The following TMEM14A variants were observed in gnomAD, a reference collection of about 807,000 sequenced individuals.
TMEM14A encodes the protein transmembrane protein 14A.
TMEM14A carries 8 observed loss-of-function variants against 11.6 expected under a neutral mutation model. The observed-to-expected ratio is 0.69, with a 90% CI of 0.40 to 1.24. The LOEUF is 1.24. Ranked by LOEUF, TMEM14A falls within the 50% of genes most tolerant of loss-of-function variation. The pLI is 0.01. For missense variants in TMEM14A, 108 were observed against 121.9 expected (o/e 0.89, Z 0.54); for synonymous variants, 34 against 45.5 (o/e 0.75, Z 1.02).
chr6:52,675,163 G>A (rs1310345630), intron 1 of TMEM14A, among the ~76,000 whole-genome samples: 3 of 152,110 alleles, frequency 2.0e-5, no homozygotes, highest in African/African-American at 4.8e-5. Flanking sequence ...GATTACAGGC[G>A]TGAGCTACCT....
intron 2 of TMEM14A, among the ~76,000 whole-genome samples, chr6:52,677,904 A>C (rs1769289186): frequency 6.6e-6 from 1 of 152,194 alleles, no homozygotes; most frequent in African/African-American, 2.4e-5. Context: ...TTCCTTCCTT[A>C]AAGGCTGCTA....
At chr6:52,681,972 A>T in intron 3 of TMEM14A, 58 bp downstream of exon 3, 2 of 1,432,940 alleles carry the variant, frequency 1.4e-6, no homozygotes, top group Non-Finnish European at 2.0e-6. Flanking sequence ...GATCTTTTTG[A>T]TACCCTATGC....
rs371102796 is a variant in TMEM14A at position 52,680,704 on chromosome 6, T to TATATATATATATATATATATACACACAC, written c.71-1108_71-1107insTATATATATATATATATATACACACACA. Among the ~76,000 whole-genome samples the TATATATATATATATATATATACACACAC allele has an allele frequency of 5.9e-5, 3 of 51,102 alleles. 1 individual carries two copies. The highest frequency in any genetic ancestry group is 1.8e-3 in the East Asian group (2 of 1,088). 33.5% of individuals were successfully genotyped at this position (51,102 alleles called of 152,430 possible). ...ATATACATATATGTATATATATATA[T>TATATATATATATATATATATACACACAC]ACACATATATATATGGCATGGATGA... On this transcript the variant is annotated intron_variant, in intron 2 of 4. Transcript: ENST00000211314.
At chr6:52,676,534 G>T (rs1201147430) in intron 1 of TMEM14A, among the ~76,000 whole-genome samples, 1 of 152,142 alleles carries the variant, frequency 6.6e-6, no homozygotes, top group African/African-American at 2.4e-5. Context: ...GATTACAGGC[G>T]TGAGCACCAT....
chr6:52,681,906 T>C lies in TMEM14A; in HGVS notation c.164T>C (p.Val55Ala), dbSNP rs2127265154. 1.2e-6 allele frequency: 2 copies of C among 1,614,026 alleles called. No homozygotes were observed. The highest frequency in any genetic ancestry group is 4.5e-5 in the East Asian group (2 of 44,880). Residue 55 changes from valine to alanine, a missense_variant, in exon 3 of 5, where the codon GTG becomes GCG. Transcript: ENST00000211314. ...RVSNDKRDVK[V>A]SLFTAFFLAT... Reference sequence around the variant, plus strand: ...TCCAATGACAAACGAGATGTAAAAGTGTCACTGTGTAAGTAAGGCATTTTT... The same window carrying C: ...TCCAATGACAAACGAGATGTAAAAGCGTCACTGTGTAAGTAAGGCATTTTT...
chr6:52,680,713 A>G (rs56827781), intron 2 of TMEM14A, among the ~76,000 whole-genome samples: 13 of 97,018 alleles, frequency 1.3e-4, no homozygotes, highest in Admixed American at 2.8e-4. Flanking sequence ...ATACACATAT[A>G]TATATGGCAT....
chr6:52,686,523 C>G lies in TMEM14A; in HGVS notation c.*474C>G, dbSNP rs1433012164. The stretch of plus-strand genomic sequence containing the variant: ...ATTTTTTTCTTTAAAAAATTTTATT[C>G]TTAGCACACTGTTATGTCCTAACTG... On this transcript the variant is annotated 3_prime_UTR_variant, in exon 5 of 5. Transcript: ENST00000211314. 3 of 381,154 alleles carry G rather than the reference C, an allele frequency of 7.9e-6. No homozygotes were observed. Among genetic ancestry groups the G allele is most frequent in the African/African-American group, 6.2e-5 (3 of 48,260 alleles). 23.6% of individuals were successfully genotyped at this position (381,154 alleles called of 1,614,324 possible).
chr6:52,679,548 C>G (rs1374848384), intron 2 of TMEM14A, among the ~76,000 whole-genome samples: 1 of 152,150 alleles, frequency 6.6e-6, no homozygotes, highest in Non-Finnish European at 1.5e-5. Flanking sequence ...TTTAAAACTC[C>G]TCTTCCAAGA....
rs998167956 is a variant in TMEM14A, at chr6:52,686,107, AT to A, written c.*66del. On this transcript the variant is annotated 3_prime_UTR_variant, in exon 5 of 5. Transcript: ENST00000211314. ...CATCCTGCTGTAATGGGCAGAGCAT[AT>A]TTTTTTTGTATTTAAAAGATAAACT... 752 of 1,491,902 alleles carry A rather than the reference AT, an allele frequency of 5.0e-4. 1 individual carries two copies. Among genetic ancestry groups the A allele is most frequent in the African/African-American group, 3.0e-3 (208 of 70,472 alleles). The allele number at this position is 1,491,902 out of a possible 1,614,324, so 92.4% of individuals were successfully genotyped here. A position where few individuals can be genotyped will look rare whatever the true frequency, so the allele number is the denominator to read the frequency against.
At chr6:52,673,400 T>A (rs9349638) in intron 1 of TMEM14A, among the ~76,000 whole-genome samples, 103,328 of 151,980 alleles carry the variant, frequency 0.68, 37,158 homozygotes, top group South Asian at 0.82. Context: ...GGGTGTTAAG[T>A]GAAAATGCTG....
At chr6:52,684,910 A>G (rs981030281) in intron 4 of TMEM14A, among the ~76,000 whole-genome samples, 1 of 152,236 alleles carries the variant, frequency 6.6e-6, no homozygotes, top group African/African-American at 2.4e-5. Context: ...TTCACCAGTA[A>G]GGAGATGTTT....
At chr6:52,684,192 T>G in intron 4 of TMEM14A, 27 bp downstream of exon 4, 3 of 1,591,742 alleles carry the variant, frequency 1.9e-6, no homozygotes, top group Non-Finnish European at 2.6e-6. Context: ...TGATCAATAC[T>G]TTCCTCTGCT....
intron 1 of TMEM14A, among the ~76,000 whole-genome samples, chr6:52,675,721 A>G (rs1186899676): frequency 6.6e-6 from 1 of 152,248 alleles, no homozygotes; most frequent in Non-Finnish European, 1.5e-5. Flanking sequence ...GCTATCTTGC[A>G]AGGAAACTAA....
Position 52,680,704 on chromosome 6 carries a change from T to TATATACACAC in TMEM14A, c.71-1108_71-1107insTATACACACA, listed in dbSNP as rs371102796. 8.1e-3 allele frequency among the ~76,000 whole-genome samples: 414 copies of TATATACACAC among 51,064 alleles called. 29 individuals are homozygous for TATATACACAC. The highest frequency in any genetic ancestry group is 0.014 in the East Asian group (15 of 1,082). 33.5% of individuals were successfully genotyped at this position (51,064 alleles called of 152,430 possible). On this transcript the variant is annotated intron_variant, in intron 2 of 4. Coordinates refer to ENST00000211314, the MANE Select transcript of TMEM14A (RefSeq NM_014051.4). ...ATATACATATATGTATATATATATA[T>TATATACACAC]ACACATATATATATGGCATGGATGA...
intron 2 of TMEM14A, among the ~76,000 whole-genome samples, chr6:52,680,949 A>G (rs755663829): frequency 7.3e-5 from 11 of 150,504 alleles, no homozygotes; most frequent in Non-Finnish European, 1.5e-4. Flanking sequence ...GTGTGTATGC[A>G]TGCATGTGCT....
intron 2 of TMEM14A, among the ~76,000 whole-genome samples, chr6:52,679,053 A>G (rs1174669772): frequency 6.6e-6 from 1 of 152,224 alleles, no homozygotes; most frequent in African/African-American, 2.4e-5. Context: ...GAAAGATGTG[A>G]TGTCGAAATG....
At chr6:52,680,689 A>ATGTGTATATATATGTATACATATATG (rs371504929) in intron 2 of TMEM14A, among the ~76,000 whole-genome samples, 2 of 56,968 alleles carry the variant, frequency 3.5e-5, no homozygotes, top group Non-Finnish European at 7.6e-5. Context: ...ATATACATAT[A>ATGTGTATATATATGTATACATATATG]TGTATATATA....
chr6:52,681,806 CT>C lies in TMEM14A; in HGVS notation c.71-5del. The C allele has an allele frequency of 6.2e-7, 1 of 1,612,876 alleles. No individual in the cohort carries two copies. Among genetic ancestry groups the C allele is most frequent in the Non-Finnish European group, 8.5e-7 (1 of 1,179,370 alleles). On this transcript the variant is annotated splice_polypyrimidine_tract_variant and splice_region_variant and intron_variant, in intron 2 of 4. Transcript: ENST00000211314. ...CTTTGTGATCTCATATTTTTTTCCC[CT>C]TCCAGGTGGTGTTCCGTCTTTGATT...
rs1769489621 is a variant in TMEM14A, at chr6:52,686,145, T to C, written c.*96T>C. The stretch of plus-strand genomic sequence containing the variant: ...TTAAAAGATAAACTTCAATATGGAA[T>C]GCTAGAAACACAAATAGCACTGTCA... On this transcript the variant is annotated 3_prime_UTR_variant, in exon 5 of 5. Transcript: ENST00000211314. 3 of 1,232,516 alleles carry C rather than the reference T, an allele frequency of 2.4e-6. No homozygotes were observed. Among genetic ancestry groups the C allele is most frequent in the African/African-American group, 1.5e-5 (1 of 65,396 alleles). 76.3% of individuals were successfully genotyped at this position (1,232,516 alleles called of 1,614,324 possible). A position where few individuals can be genotyped will look rare whatever the true frequency, so the allele number is the denominator to read the frequency against.
Sources: allele counts gnomAD v4.1 joint callset (sites outside exome capture counted in the v4.1 genomes callset), GRCh38; gene constraint gnomAD v4.1.1; transcripts MANE v1.5; gene names NCBI Gene and HGNC (gene_info 2026-07-23, HGNC 2026-07-21).